The following DNAJC1 variants were observed in gnomAD, a reference collection of about 807,000 sequenced individuals.
DNAJC1 encodes dnaJ homolog subfamily C member 1.
DNAJC1 carries 58 observed loss-of-function variants against 76.6 expected under a neutral mutation model. The observed-to-expected ratio is 0.76, with a 90% confidence interval of 0.61 to 0.94. The LOEUF (loss-of-function observed/expected upper bound fraction) is 0.94, where lower values mean the gene tolerates loss of function less well. Among genes scored for constraint, DNAJC1 ranks in the 40% least tolerant of loss-of-function variants. The probability of loss-of-function intolerance (pLI) is 0.00; values close to 1 mark genes in which losing one functional copy is unlikely to be tolerated. For synonymous variants in DNAJC1, 258 were observed against 267.9 expected, an observed-to-expected ratio of 0.96 and a Z score of 0.36; for missense variants, 689 against 677.3, an observed-to-expected ratio of 1.02 and a Z score of -0.19.
At chr10:21,879,316 C>T (rs1400933104) in intron 8 of DNAJC1, among the ~76,000 whole-genome samples, 3 of 151,888 alleles carry the variant, frequency 2.0e-5, no homozygotes, top group South Asian at 4.1e-4. Context: ...TTTTTTGTTT[C>T]CCAGTACATA....
intron 11 of DNAJC1, 131 bp from the exon 12 acceptor site, chr10:21,756,886 T>G: frequency 6.2e-5 from 45 of 720,958 alleles, no homozygotes; most frequent in Non-Finnish European, 9.1e-5. Flanking sequence ...GTTCCCGGGA[T>G]GTCCTGGAGT....
chr10:21,993,374 A>C (rs1247641190), intron 1 of DNAJC1, among the ~76,000 whole-genome samples: 1 of 152,194 alleles, frequency 6.6e-6, no homozygotes, highest in African/African-American at 2.4e-5. Flanking sequence ...ACACTGGAGG[A>C]AACTGTTAAG....
At chr10:21,970,193 T>G (rs1028739065) in intron 1 of DNAJC1, among the ~76,000 whole-genome samples, 1 of 152,130 alleles carries the variant, frequency 6.6e-6, no homozygotes, top group African/African-American at 2.4e-5. Flanking sequence ...CAGATTTATA[T>G]TAACATAATT....
intron 8 of DNAJC1, among the ~76,000 whole-genome samples, chr10:21,867,908 C>T (rs1240787724): frequency 2.0e-5 from 3 of 150,468 alleles, no homozygotes; most frequent in African/African-American, 2.5e-5. Context: ...CCTGTCTCTA[C>T]TAAAAATACA....
intron 9 of DNAJC1, among the ~76,000 whole-genome samples, chr10:21,773,438 AT>A (rs1173994957): frequency 2.6e-5 from 4 of 151,274 alleles, no homozygotes; most frequent in Admixed American, 1.3e-4. Flanking sequence ...ATTTGCCCAG[AT>A]TTTTTTTTCC....
chr10:21,867,175 G>GAA (rs1836014883), intron 8 of DNAJC1, among the ~76,000 whole-genome samples: 2 of 151,966 alleles, frequency 1.3e-5, no homozygotes, highest in Admixed American at 1.3e-4. Context: ...CAGTAACAAA[G>GAA]AAAACAAGCA....
At chr10:21,820,340 G>T (rs774998135) in intron 8 of DNAJC1, among the ~76,000 whole-genome samples, 4 of 152,106 alleles carry the variant, frequency 2.6e-5, no homozygotes, top group Non-Finnish European at 5.9e-5. Flanking sequence ...GGACATTTGG[G>T]TTGTTTCTAC....
chr10:21,834,132 C>T (rs926962728), intron 8 of DNAJC1, among the ~76,000 whole-genome samples: 6 of 151,982 alleles, frequency 3.9e-5, no homozygotes, highest in South Asian at 2.1e-4. Flanking sequence ...GGCACGGTGG[C>T]GGGCGCCTGT....
At chr10:21,983,626 C>T (rs1344337225) in intron 1 of DNAJC1, among the ~76,000 whole-genome samples, 1 of 150,368 alleles carries the variant, frequency 6.7e-6, no homozygotes, top group Non-Finnish European at 1.5e-5. Context: ...GAGGCTGAGG[C>T]ACAAGAATGA....
At chr10:21,836,311 G>C (rs1418254513) in intron 8 of DNAJC1, among the ~76,000 whole-genome samples, 1 of 152,086 alleles carries the variant, frequency 6.6e-6, no homozygotes, top group Non-Finnish European at 1.5e-5. Flanking sequence ...TGCCCTAAAA[G>C]AACTCCTGAA....
intron 8 of DNAJC1, among the ~76,000 whole-genome samples, chr10:21,879,745 G>A (rs949728112): frequency 1.1e-4 from 16 of 152,098 alleles, no homozygotes; most frequent in South Asian, 4.1e-4. Context: ...ATACTTTACC[G>A]CTAAAACGTA....
intron 8 of DNAJC1, among the ~76,000 whole-genome samples, chr10:21,831,809 T>C (rs796981202): frequency 8.7e-6 from 1 of 114,340 alleles, no homozygotes; most frequent in Non-Finnish European, 1.9e-5. Context: ...AAAAAAAAAA[T>C]GCTTAATCCT....
chr10:21,990,644 G>C (rs1838313705), intron 1 of DNAJC1, among the ~76,000 whole-genome samples: 1 of 152,102 alleles, frequency 6.6e-6, no homozygotes, highest in African/African-American at 2.4e-5. Flanking sequence ...ACCATCTGCT[G>C]GGAGTGCTAC....
chr10:21,791,164 T>C (rs1335913441), intron 9 of DNAJC1, among the ~76,000 whole-genome samples: 1 of 152,188 alleles, frequency 6.6e-6, no homozygotes, highest in Non-Finnish European at 1.5e-5. Context: ...AAAGGATCAA[T>C]TCAGCAAGAT....
At chr10:21,867,707 C>T (rs979493833) in intron 8 of DNAJC1, among the ~76,000 whole-genome samples, 1 of 152,086 alleles carries the variant, frequency 6.6e-6, no homozygotes, top group African/African-American at 2.4e-5. Context: ...TCATTATATG[C>T]TCATTAACAT....
intron 8 of DNAJC1, among the ~76,000 whole-genome samples, chr10:21,851,801 T>C (rs1246763794): frequency 3.3e-5 from 5 of 152,066 alleles, no homozygotes; most frequent in African/African-American, 9.7e-5. Flanking sequence ...ATGCCTGTAA[T>C]CCCAGCACTT....
intron 8 of DNAJC1, among the ~76,000 whole-genome samples, chr10:21,823,510 C>T (rs961536984): frequency 6.6e-6 from 1 of 151,922 alleles, no homozygotes; most frequent in Non-Finnish European, 1.5e-5. Context: ...TTTCCTTAAT[C>T]TCAATAAAAA....
At chr10:21,997,926 T>C (rs1220126146) in intron 1 of DNAJC1, among the ~76,000 whole-genome samples, 5 of 152,202 alleles carry the variant, frequency 3.3e-5, no homozygotes, top group South Asian at 2.1e-4. Flanking sequence ...ACTGGCACCA[T>C]GAAGACAAAT....
chr10:21,877,239 C>T (rs1435762015), intron 8 of DNAJC1, among the ~76,000 whole-genome samples: 1 of 151,878 alleles, frequency 6.6e-6, no homozygotes. Context: ...GCATCACTGT[C>T]CTTCAGCCTG....
Sources: gnomAD v4.1 joint callset for allele counts (sites outside exome capture counted in the v4.1 genomes callset) on GRCh38, gnomAD v4.1.1 for gene constraint, MANE v1.5 for transcripts, NCBI Gene and HGNC (gene_info 2026-07-23, HGNC 2026-07-21) for gene names.